MAST4: variants seen among roughly 807,000 people sequenced by gnomAD.
MAST4 encodes microtubule associated serine/threonine kinase family member 4.
MAST4 carries 89 observed loss-of-function variants against 162.7 expected under a neutral mutation model. The observed-to-expected ratio is 0.55, with a 90% CI of 0.46 to 0.65. The LOEUF (loss-of-function observed/expected upper bound fraction) is 0.65, where lower values mean the gene tolerates loss of function less well. Among genes scored for constraint, MAST4 ranks in the 30% least tolerant of loss-of-function variants. The pLI is 0.00. For synonymous variants in MAST4, 1,479 were observed against 1,361.1 expected (o/e 1.09, Z -1.91); for missense variants, 3,153 against 3,374.0 (o/e 0.93, Z 1.62).
chr5:66,614,971 G>C lies in MAST4; in HGVS notation c.363+17953G>C, dbSNP rs189963279. The stretch of plus-strand genomic sequence containing the variant: ...CTGTTAAATCTGGGTCTTTCACTTT[G>C]TGTTGTCTTTTTCTGGTATTTCACG... On this transcript the variant is annotated intron_variant, in intron 1 of 28. Coordinates refer to ENST00000403625, the MANE Select transcript of MAST4 (RefSeq NM_001164664.2). Among the ~76,000 whole-genome samples the C allele has an allele frequency of 6.6e-4, 101 of 152,312 alleles. 2 individuals are homozygous for C. The highest frequency in any genetic ancestry group is 2.7e-3 in the East Asian group (14 of 5,186).
chr5:66,868,472 C>T (rs927724708), intron 3 of MAST4, among the ~76,000 whole-genome samples: 10 of 144,660 alleles, frequency 6.9e-5, no homozygotes, highest in African/African-American at 1.3e-4. Flanking sequence ...TATATATATA[C>T]GCAAATAACC....
intron 4 of MAST4, among the ~76,000 whole-genome samples, chr5:67,008,076 CAT>C (rs1752250431): frequency 6.6e-6 from 1 of 152,190 alleles, no homozygotes; most frequent in Admixed American, 6.5e-5. Flanking sequence ...GTATAGCTTA[CAT>C]GTTCCATTGG....
chr5:66,606,166 A>G (rs1405572018), intron 1 of MAST4, among the ~76,000 whole-genome samples: 1 of 152,220 alleles, frequency 6.6e-6, no homozygotes, highest in Non-Finnish European at 1.5e-5. Context: ...AAAGAACACA[A>G]CAAATGCTTT....
At chr5:66,624,976 A>G (rs1007227897) in intron 1 of MAST4, among the ~76,000 whole-genome samples, 1 of 152,272 alleles carries the variant, frequency 6.6e-6, no homozygotes, top group Non-Finnish European at 1.5e-5. Context: ...CAAAAGCAAA[A>G]ATGGTATTAC....
intron 4 of MAST4, among the ~76,000 whole-genome samples, chr5:66,917,866 C>G (rs1254263493): frequency 6.6e-6 from 1 of 151,938 alleles, no homozygotes; most frequent in Non-Finnish European, 1.5e-5. Flanking sequence ...TTTTTTTAGC[C>G]AGTTATTTTT....
intron 4 of MAST4, among the ~76,000 whole-genome samples, chr5:66,942,661 G>A (rs185822342): frequency 7.9e-5 from 12 of 152,120 alleles, no homozygotes; most frequent in Admixed American, 3.9e-4. Context: ...GCATACATGT[G>A]TACAAAAAAA....
At chr5:66,973,189 C>T (rs1243997413) in intron 4 of MAST4, among the ~76,000 whole-genome samples, 1 of 152,072 alleles carries the variant, frequency 6.6e-6, no homozygotes, top group African/African-American at 2.4e-5. Flanking sequence ...TAAGTATATT[C>T]TCCTATATAA....
intron 4 of MAST4, chr5:67,005,183 T>A (rs889797531): frequency 2.8e-6 from 2 of 706,046 alleles, no homozygotes; most frequent in African/African-American, 3.5e-5. Flanking sequence ...TGGGGTTTTG[T>A]GTATTGGGTG....
At chr5:67,100,307 T>C (rs1269716677) in intron 7 of MAST4, 128 bp from the exon 8 acceptor site, 4 of 891,348 alleles carry the variant, frequency 4.5e-6, no homozygotes, top group African/African-American at 3.4e-5. Flanking sequence ...GTCGTTCTTA[T>C]AACTTTAACA....
chr5:67,000,833 A>T (rs936645098), intron 4 of MAST4, among the ~76,000 whole-genome samples: 15 of 151,886 alleles, frequency 9.9e-5, no homozygotes, highest in African/African-American at 3.6e-4. Context: ...CATTTTTTGT[A>T]TGTAGAAGGG....
intron 1 of MAST4, among the ~76,000 whole-genome samples, chr5:66,687,447 T>A (rs191047302): frequency 2.0e-5 from 3 of 152,194 alleles, no homozygotes; most frequent in African/African-American, 7.2e-5. Context: ...TTCCACGGTA[T>A]ACACGTATTC....
intron 3 of MAST4, among the ~76,000 whole-genome samples, chr5:66,790,821 A>G (rs1043156485): frequency 1.3e-5 from 2 of 152,098 alleles, no homozygotes; most frequent in Non-Finnish European, 2.9e-5. Flanking sequence ...TTAAGAGCTT[A>G]TTTTACTCTG....
intron 4 of MAST4, among the ~76,000 whole-genome samples, chr5:66,989,263 C>A (rs759044353): frequency 5.9e-5 from 9 of 152,116 alleles, no homozygotes; most frequent in African/African-American, 9.7e-5. Flanking sequence ...ACCGCACCTG[C>A]CCCTCCTTAT....
At chr5:66,684,829 G>A (rs1303522721) in intron 1 of MAST4, among the ~76,000 whole-genome samples, 1 of 152,196 alleles carries the variant, frequency 6.6e-6, no homozygotes, top group African/African-American at 2.4e-5. Context: ...GCCAGCAGTT[G>A]ATGGTTATTG....
At chr5:67,088,149 T>C (rs1443991699) in intron 5 of MAST4, among the ~76,000 whole-genome samples, 2 of 152,254 alleles carry the variant, frequency 1.3e-5, no homozygotes, top group African/African-American at 4.8e-5. Flanking sequence ...CAATTCTTTG[T>C]TTCTTCTTTC....
chr5:66,851,246 ACT>A (rs1425663359), intron 3 of MAST4, among the ~76,000 whole-genome samples: 10 of 152,026 alleles, frequency 6.6e-5, no homozygotes, highest in African/African-American at 1.4e-4. Context: ...TGAAGTCTAC[ACT>A]CTCTATTTTC....
intron 4 of MAST4, among the ~76,000 whole-genome samples, chr5:66,907,587 C>A (rs866774433): frequency 6.9e-6 from 1 of 144,142 alleles, no homozygotes; most frequent in South Asian, 2.3e-4. Context: ...TAGGTTGATG[C>A]GTGTGTGTGT....
intron 10 of MAST4, among the ~76,000 whole-genome samples, chr5:67,108,720 G>T (rs532965666): frequency 1.3e-5 from 2 of 152,122 alleles, no homozygotes; most frequent in Non-Finnish European, 2.9e-5. Context: ...TTGGAAAATG[G>T]CTTTTAATTT....
At chr5:66,908,082 T>C (rs778331525) in intron 4 of MAST4, among the ~76,000 whole-genome samples, 7 of 152,162 alleles carry the variant, frequency 4.6e-5, no homozygotes, top group Non-Finnish European at 1.0e-4. Flanking sequence ...TAAAGTGGCA[T>C]GTTTACATAA....
Sources: allele counts gnomAD v4.1 joint callset (sites outside exome capture counted in the v4.1 genomes callset), GRCh38; gene constraint gnomAD v4.1.1; transcripts MANE v1.5; gene names NCBI Gene and HGNC (gene_info 2026-07-23, HGNC 2026-07-21).